The following SPATS2L variants were observed in gnomAD, a reference collection of about 807,000 sequenced individuals.
SPATS2L encodes the protein SPATS2-like protein.
SPATS2L carries 30 observed loss-of-function variants against 59.6 expected under a neutral mutation model. That is an observed-to-expected ratio of 0.50 (90% confidence interval 0.38 to 0.68). The LOEUF is 0.68. SPATS2L is among the 30% of genes least tolerant of loss of function. The probability of loss-of-function intolerance (pLI) is 0.00; values close to 1 mark genes in which losing one functional copy is unlikely to be tolerated. For missense variants in SPATS2L, 615 were observed against 700.0 expected (o/e 0.88, Z 1.37); for synonymous variants, 252 against 263.5 (o/e 0.96, Z 0.42).
At chr2:200,468,227 C>A (rs2086735360) in intron 10 of SPATS2L, among the ~76,000 whole-genome samples, 1 of 151,964 alleles carries the variant, frequency 6.6e-6, no homozygotes, top group South Asian at 2.1e-4. Flanking sequence ...ATCTTTGAAA[C>A]TGCATCAGGG....
At position 200,479,347 on chromosome 2, in the gene SPATS2L, C is replaced by T. The variant is rs1294809600; in HGVS notation, c.*1316C>T. 2.6e-6 allele frequency: 1 copy of T among 391,266 alleles called. No homozygotes were observed. 24.2% of individuals were successfully genotyped at this position (391,266 alleles called of 1,614,324 possible). A position where few individuals can be genotyped will look rare whatever the true frequency, so the allele number is the denominator to read the frequency against. On this transcript the variant is annotated 3_prime_UTR_variant, in exon 13 of 13. Coordinates refer to ENST00000409140, the MANE Select transcript of SPATS2L (RefSeq NM_001100423.2). ...AGGAGAGAAGTTATCCTAGTAGCTT[C>T]TACACAGAGCAAGTGTCTTTCTCAG...
intron 1 of SPATS2L, among the ~76,000 whole-genome samples, chr2:200,317,975 A>C (rs1233803891): frequency 6.6e-6 from 1 of 152,190 alleles, no homozygotes; most frequent in Non-Finnish European, 1.5e-5. Context: ...TGCTTACAAG[A>C]GGGAAAAAGC....
chr2:200,342,814 C>T (rs2080378003), intron 2 of SPATS2L, among the ~76,000 whole-genome samples: 1 of 152,142 alleles, frequency 6.6e-6, no homozygotes, highest in Non-Finnish European at 1.5e-5. Context: ...CCAAATATAG[C>T]ATGTGGTTAT....
At chr2:200,422,934 G>A (rs955777697) in intron 6 of SPATS2L, among the ~76,000 whole-genome samples, 1 of 152,124 alleles carries the variant, frequency 6.6e-6, no homozygotes, top group Non-Finnish European at 1.5e-5. Context: ...TTACTGTGAT[G>A]ATGTGAGATG....
At position 200,419,410 on chromosome 2, in the gene SPATS2L, C is replaced by T. The variant is rs1559114819; in HGVS notation, c.359C>T (p.Ser120Phe). 1.2e-6 allele frequency: 2 copies of T among 1,613,752 alleles called. No homozygotes were observed. The highest frequency in any genetic ancestry group is 1.7e-6 in the Non-Finnish European group (2 of 1,179,812). ...GAGAAGGACAGCTCGTCCACAGATT[C>T]TGCTAACGAAAAACCAGCCCTTATC... is the stretch of plus-strand genomic sequence containing the variant. Reference protein sequence around the residue: ...GCEKDSSSTDSANEKPALIPR... With the variant: ...GCEKDSSSTDFANEKPALIPR... The change falls in exon 6 of 13, where the codon TCT (serine) becomes TTT (phenylalanine). Residue 120 changes from serine (S) to phenylalanine (F), a missense_variant. By Grantham distance (155) the Ser-to-Phe change is radical. Around this residue, in one of 3 missense-constraint regions of SPATS2L, gnomAD observed 227 missense variants for 257.4 expected, o/e 0.88. Coordinates refer to ENST00000409140, the MANE Select transcript of SPATS2L (RefSeq NM_001100423.2).
intron 2 of SPATS2L, among the ~76,000 whole-genome samples, chr2:200,354,007 A>C (rs1013292749): frequency 6.6e-6 from 1 of 152,108 alleles, no homozygotes; most frequent in Non-Finnish European, 1.5e-5. Context: ...TTCCCAAGTA[A>C]GTTTGTTTTT....
chr2:200,424,889 G>C (rs950827030), intron 6 of SPATS2L, among the ~76,000 whole-genome samples: 1 of 152,144 alleles, frequency 6.6e-6, no homozygotes, highest in Non-Finnish European at 1.5e-5. Flanking sequence ...GGGAAACCAA[G>C]TCTTCGGTCC....
intron 2 of SPATS2L, among the ~76,000 whole-genome samples, chr2:200,332,133 A>G (rs1416319044): frequency 7.0e-6 from 1 of 142,764 alleles, no homozygotes; most frequent in Non-Finnish European, 1.5e-5. Context: ...TTTTATTACA[A>G]TATGTAAAAT....
At chr2:200,442,268 C>G (rs2084751615) in intron 8 of SPATS2L, among the ~76,000 whole-genome samples, 1 of 152,176 alleles carries the variant, frequency 6.6e-6, no homozygotes, top group Admixed American at 6.5e-5. Context: ...TTATAACTTT[C>G]CAATCTGTCT....
intron 1 of SPATS2L, among the ~76,000 whole-genome samples, chr2:200,316,988 G>A (rs2079402266): frequency 6.6e-6 from 1 of 152,180 alleles, no homozygotes. Flanking sequence ...CAGATATAGG[G>A]CTGATTTTCT....
chr2:200,437,434 C>T (rs2084376028), intron 6 of SPATS2L, among the ~76,000 whole-genome samples: 1 of 152,114 alleles, frequency 6.6e-6, no homozygotes, highest in South Asian at 2.1e-4. Flanking sequence ...AAGCCTGGGC[C>T]CACAGCTGAA....
At chr2:200,309,913 T>G (rs1445422749) in intron 1 of SPATS2L, among the ~76,000 whole-genome samples, 2 of 152,242 alleles carry the variant, frequency 1.3e-5, no homozygotes, top group African/African-American at 4.8e-5. Flanking sequence ...TTCAGTGTTG[T>G]GGTAATGGGT....
chr2:200,435,150 A>G (rs2084193750), intron 6 of SPATS2L, among the ~76,000 whole-genome samples: 1 of 152,202 alleles, frequency 6.6e-6, no homozygotes, highest in South Asian at 2.1e-4. Flanking sequence ...ATTGCCTATT[A>G]ATAAACCAGA....
At chr2:200,361,429 G>T (rs1256402173) in intron 2 of SPATS2L, among the ~76,000 whole-genome samples, 2 of 152,086 alleles carry the variant, frequency 1.3e-5, no homozygotes, top group Non-Finnish European at 2.9e-5. Context: ...ATTCTAATAT[G>T]ACATTCTAGA....
At chr2:200,329,367 G>A (rs1362689063) in intron 1 of SPATS2L, 64 bp from the exon 2 acceptor site, 1 of 1,340,750 alleles carries the variant, frequency 7.5e-7, no homozygotes, top group Non-Finnish European at 1.0e-6. Context: ...AGTGTGATGG[G>A]AAATGGGTGG....
intron 2 of SPATS2L, among the ~76,000 whole-genome samples, chr2:200,365,541 T>C (rs1367775001): frequency 6.6e-6 from 1 of 152,254 alleles, no homozygotes; most frequent in Non-Finnish European, 1.5e-5. Context: ...TACCGTGATA[T>C]ACTCAGGCTA....
intron 2 of SPATS2L, among the ~76,000 whole-genome samples, chr2:200,357,148 C>CA (rs2080942797): frequency 6.6e-6 from 1 of 152,208 alleles, no homozygotes. Flanking sequence ...ATAATGTCAT[C>CA]ATCCAACATT....
intron 5 of SPATS2L, 81 bp downstream of exon 5, chr2:200,416,509 A>AT (rs2083066550): frequency 1.3e-6 from 1 of 791,784 alleles, no homozygotes; most frequent in Non-Finnish European, 1.9e-6. Context: ...AAGGCTGCCA[A>AT]TTTTTTGCTT....
intron 4 of SPATS2L, 113 bp downstream of exon 4, chr2:200,412,532 CAT>C: frequency 2.0e-6 from 1 of 499,772 alleles, no homozygotes; most frequent in Non-Finnish European, 3.4e-6. Context: ...CTTTAGGTCT[CAT>C]AGAAATGTGC....
Sources: gnomAD v4.1 joint callset for allele counts (sites outside exome capture counted in the v4.1 genomes callset) on GRCh38, gnomAD v4.1.1 for gene constraint, gnomAD v4.1.1 regional missense constraint, MANE v1.5 for transcripts, NCBI Gene and HGNC (gene_info 2026-07-23, HGNC 2026-07-21) for gene names.